SLC35F3: variants seen among roughly 807,000 people sequenced by gnomAD.
The protein encoded by SLC35F3 is solute carrier family 35 member F3, also known as putative thiamine transporter SLC35F3.
SLC35F3 carries 25 observed loss-of-function variants against 49.9 expected under a neutral mutation model. The observed-to-expected ratio is 0.50, with a 90% CI of 0.37 to 0.70. The LOEUF (loss-of-function observed/expected upper bound fraction) is 0.70. SLC35F3 is among the 30% of genes least tolerant of loss of function. The pLI is 0.00. For synonymous variants in SLC35F3, 275 were observed against 265.4 expected, an observed-to-expected ratio of 1.04 and a Z score of -0.35; for missense variants, 525 against 639.8, an observed-to-expected ratio of 0.82 and a Z score of 1.94.
At chr1:234,081,800 C>A (rs944903123) in intron 2 of SLC35F3, among the ~76,000 whole-genome samples, 1 of 150,482 alleles carries the variant, frequency 6.6e-6, no homozygotes, top group African/African-American at 2.4e-5. Flanking sequence ...TGCAGTGGCG[C>A]GATCTGGGCT....
intron 2 of SLC35F3, among the ~76,000 whole-genome samples, chr1:234,202,530 G>T (rs756298596): frequency 2.0e-5 from 3 of 152,196 alleles, no homozygotes; most frequent in Non-Finnish European, 4.4e-5. Flanking sequence ...TAACCAGTGC[G>T]CCCTGAGGCT....
intron 2 of SLC35F3, among the ~76,000 whole-genome samples, chr1:233,961,719 G>A (rs937504973): frequency 2.6e-5 from 4 of 152,204 alleles, no homozygotes; most frequent in African/African-American, 9.6e-5. Context: ...GCCTCCCAAA[G>A]TGCTAGGATT....
intron 2 of SLC35F3, among the ~76,000 whole-genome samples, chr1:234,118,864 ATTTTTTTC>A (rs1665531416): frequency 1.3e-5 from 2 of 149,726 alleles, no homozygotes; most frequent in Admixed American, 6.8e-5. Flanking sequence ...TAAGCAAATT[ATTTTTTTC>A]TTTTTTTCTT....
chr1:234,260,588 G>A (rs1056600068), intron 3 of SLC35F3, among the ~76,000 whole-genome samples: 2 of 152,098 alleles, frequency 1.3e-5, no homozygotes, highest in Admixed American at 1.3e-4. Context: ...TAGGCTGAGG[G>A]GTAACATTCT....
chr1:234,061,045 T>C (rs1220956627), intron 2 of SLC35F3, among the ~76,000 whole-genome samples: 2 of 152,230 alleles, frequency 1.3e-5, no homozygotes, highest in South Asian at 4.1e-4. Context: ...TAATTACTTT[T>C]AATGGCTTTT....
intron 3 of SLC35F3, among the ~76,000 whole-genome samples, chr1:234,235,836 C>T (rs948567010): frequency 1.3e-5 from 2 of 152,174 alleles, no homozygotes; most frequent in African/African-American, 2.4e-5. Context: ...CCTGCAAGGG[C>T]CCGGTGTGTG....
intron 2 of SLC35F3, among the ~76,000 whole-genome samples, chr1:233,995,630 T>C (rs1294970504): frequency 6.6e-6 from 1 of 152,134 alleles, no homozygotes; most frequent in African/African-American, 2.4e-5. Context: ...ACGCGGAGGC[T>C]TTTCTTGGAC....
At chr1:234,032,859 C>A (rs543655979) in intron 2 of SLC35F3, among the ~76,000 whole-genome samples, 2 of 152,226 alleles carry the variant, frequency 1.3e-5, no homozygotes, top group African/African-American at 4.8e-5. Context: ...ATAATGACTT[C>A]TTTTCCTCTG....
chr1:233,981,003 G>A (rs991726262), intron 2 of SLC35F3, among the ~76,000 whole-genome samples: 1 of 152,142 alleles, frequency 6.6e-6, no homozygotes, highest in Non-Finnish European at 1.5e-5. Context: ...TCACACACAT[G>A]GGAAGTGTCT....
chr1:234,058,170 A>G (rs12061044), intron 2 of SLC35F3, among the ~76,000 whole-genome samples: 15,996 of 150,026 alleles, frequency 0.11, 1,304 homozygotes, highest in East Asian at 0.26. Flanking sequence ...CATATTGTCA[A>G]TTTTTTTTGG....
chr1:234,190,392 G>T (rs528019372), intron 2 of SLC35F3, among the ~76,000 whole-genome samples: 10 of 152,206 alleles, frequency 6.6e-5, no homozygotes, highest in African/African-American at 2.4e-4. Context: ...ACATGTAAAT[G>T]GACACCAAAA....
At chr1:234,317,334 C>G (rs908176439) in intron 5 of SLC35F3, among the ~76,000 whole-genome samples, 14 of 152,102 alleles carry the variant, frequency 9.2e-5, no homozygotes, top group Non-Finnish European at 1.9e-4. Flanking sequence ...CACTCAGGTC[C>G]CTTTCTCTGT....
intron 2 of SLC35F3, among the ~76,000 whole-genome samples, chr1:234,082,772 A>G (rs1345607865): frequency 6.6e-6 from 1 of 152,212 alleles, no homozygotes; most frequent in Non-Finnish European, 1.5e-5. Flanking sequence ...AAAACCCTTT[A>G]TAAAAACATC....
intron 2 of SLC35F3, among the ~76,000 whole-genome samples, chr1:234,031,388 T>C (rs1226334559): frequency 6.6e-6 from 1 of 152,210 alleles, no homozygotes; most frequent in African/African-American, 2.4e-5. Context: ...AATTCCAGGC[T>C]GCGTATCAAT....
intron 3 of SLC35F3, among the ~76,000 whole-genome samples, chr1:234,287,352 A>G (rs1023300762): frequency 1.3e-5 from 2 of 152,246 alleles, no homozygotes; most frequent in African/African-American, 2.4e-5. Flanking sequence ...TAGAGGTTAA[A>G]TAATTTACAC....
chr1:234,283,848 C>T (rs1165743572), intron 3 of SLC35F3, among the ~76,000 whole-genome samples: 1 of 152,226 alleles, frequency 6.6e-6, no homozygotes, highest in African/African-American at 2.4e-5. Flanking sequence ...AGAGCATTTG[C>T]AGTACCAATA....
chr1:234,138,554 G>A (rs149744939), intron 2 of SLC35F3, among the ~76,000 whole-genome samples: 2 of 152,110 alleles, frequency 1.3e-5, no homozygotes, highest in Non-Finnish European at 2.9e-5. Flanking sequence ...GAATCAAGAA[G>A]TGAACTTGTT....
intron 3 of SLC35F3, among the ~76,000 whole-genome samples, chr1:234,240,639 T>C (rs1029176572): frequency 1.3e-5 from 2 of 151,922 alleles, no homozygotes; most frequent in Non-Finnish European, 2.9e-5. Context: ...TATGTATATA[T>C]ATAAAATGAC....
intron 2 of SLC35F3, among the ~76,000 whole-genome samples, chr1:233,976,424 A>C (rs1026228238): frequency 2.0e-5 from 3 of 152,150 alleles, no homozygotes; most frequent in Non-Finnish European, 4.4e-5. Context: ...ATCCAGCACA[A>C]CTTCAGCAAT....
Sources: allele counts gnomAD v4.1 joint callset (sites outside exome capture counted in the v4.1 genomes callset), GRCh38; gene constraint gnomAD v4.1.1; transcripts MANE v1.5; gene names NCBI Gene and HGNC (gene_info 2026-07-23, HGNC 2026-07-21).